PUM2: variants seen among roughly 807,000 people sequenced by gnomAD.
PUM2 encodes pumilio RNA binding family member 2, also known as pumilio homolog 2.
PUM2 carries 57 observed loss-of-function variants against 124.5 expected under a neutral mutation model. The ratio of observed to expected loss-of-function variants is 0.46; its 90% CI spans 0.37 to 0.57. The LOEUF is 0.57. Ranked by LOEUF, PUM2 falls within the 20% of genes least tolerant of loss-of-function variation. PUM2 has a pLI of 0.00. For missense variants in PUM2, 1,065 were observed against 1,290.6 expected, an observed-to-expected ratio of 0.83 and a Z score of 2.68; for synonymous variants, 460 against 446.1, an observed-to-expected ratio of 1.03 and a Z score of -0.39.
At chr2:20,332,087 T>TAG (rs1685037396) in intron 1 of PUM2, 1 of 152,196 alleles carries the variant, frequency 6.6e-6, no homozygotes. Context: ...GCCATTCCCA[T>TAG]AGAGCAGGCC....
At chr2:20,271,032 G>A (rs935658748) in intron 13 of PUM2, among the ~76,000 whole-genome samples, 1 of 152,038 alleles carries the variant, frequency 6.6e-6, no homozygotes, top group Non-Finnish European at 1.5e-5. Flanking sequence ...TCATTATATT[G>A]TAACTGCTGT....
Position 20,283,558 on chromosome 2 carries a change from T to C in PUM2, c.1292-72A>G, listed in dbSNP as rs889754009. ...ATGCATATTTGTTTTTCCCTGCATT[T>C]GTATTTTTTCAACTAGACAACACAG... On this transcript the variant is annotated intron_variant, in intron 10 of 20. Transcript: ENST00000361078. 7 of 1,470,350 alleles carry C rather than the reference T, an allele frequency of 4.8e-6. No individual in the cohort carries two copies. The African/African-American group carries it at 9.9e-5, about 21-fold the overall frequency. The allele number at this position is 1,470,350 out of a possible 1,614,324, so 91.1% of individuals were successfully genotyped here.
At chr2:20,294,894 G>C (rs566424286) in intron 8 of PUM2, among the ~76,000 whole-genome samples, 2 of 152,142 alleles carry the variant, frequency 1.3e-5, no homozygotes, top group Admixed American at 1.3e-4. Context: ...TTTGACTACT[G>C]AGATGGATTA....
intron 1 of PUM2, among the ~76,000 whole-genome samples, chr2:20,336,822 A>G (rs772087367): frequency 1.9e-4 from 27 of 145,442 alleles, no homozygotes; most frequent in Non-Finnish European, 3.1e-4. Flanking sequence ...GGGTCTCACC[A>G]TGTTGCCCAG....
At chr2:20,268,706 A>C (rs956578773) in intron 13 of PUM2, among the ~76,000 whole-genome samples, 10 of 152,202 alleles carry the variant, frequency 6.6e-5, no homozygotes, top group Non-Finnish European at 2.9e-5. Flanking sequence ...GTGAATGCTG[A>C]AATAAAAATA....
chr2:20,281,342 T>G (rs1321886712), intron 12 of PUM2, among the ~76,000 whole-genome samples: 1 of 152,044 alleles, frequency 6.6e-6, no homozygotes, highest in Non-Finnish European at 1.5e-5. Flanking sequence ...AATCAATTCC[T>G]GAAAGGGGGA....
chr2:20,261,360 C>T (rs1425758363), intron 14 of PUM2, among the ~76,000 whole-genome samples: 1 of 131,462 alleles, frequency 7.6e-6, no homozygotes, highest in Non-Finnish European at 1.6e-5. Flanking sequence ...TGCCATTGCA[C>T]TCCAGCCTAA....
intron 3 of PUM2, 151 bp from the exon 4 acceptor site, chr2:20,312,574 C>A: frequency 2.8e-6 from 2 of 726,162 alleles, no homozygotes; most frequent in Non-Finnish European, 4.4e-6. Flanking sequence ...TCATAGGACA[C>A]AAACAAATGG....
At chr2:20,266,484 C>A (rs1167415603) in intron 13 of PUM2, among the ~76,000 whole-genome samples, 2 of 150,310 alleles carry the variant, frequency 1.3e-5, no homozygotes. Flanking sequence ...CAACAACCCC[C>A]CCACCAAAAA....
At chr2:20,330,800 G>C (rs1684746324) in intron 1 of PUM2, among the ~76,000 whole-genome samples, 1 of 152,218 alleles carries the variant, frequency 6.6e-6, no homozygotes, top group Non-Finnish European at 1.5e-5. Flanking sequence ...CCTACGACTT[G>C]CAACTGGCAT....
chr2:20,260,291 T>C, intron 15 of PUM2, 46 bp downstream of exon 15: 1 of 1,546,888 alleles, frequency 6.5e-7, no homozygotes, highest in Non-Finnish European at 8.8e-7. Flanking sequence ...GCATCAAGTA[T>C]ACAACAGCTG....
At chr2:20,323,031 T>C (rs1443150532) in intron 2 of PUM2, among the ~76,000 whole-genome samples, 1 of 152,156 alleles carries the variant, frequency 6.6e-6, no homozygotes, top group Non-Finnish European at 1.5e-5. Context: ...TGTACAGAAG[T>C]AGTACTGTAA....
At chr2:20,274,431 A>G (rs1316619820) in intron 13 of PUM2, among the ~76,000 whole-genome samples, 3 of 152,190 alleles carry the variant, frequency 2.0e-5, no homozygotes, top group Non-Finnish European at 4.4e-5. Context: ...CACAAGACTA[A>G]GTCTGCCAAA....
In PUM2 at chr2:20,278,793, T is replaced by C; in HGVS notation, c.1747A>G (p.Thr583Ala). 6.2e-7 allele frequency: 1 copy of C among 1,613,284 alleles called. No individual in the cohort carries two copies. The highest frequency in any genetic ancestry group is 1.3e-5 in the African/African-American group (1 of 74,956). ...SVGSSASSSA[T>A]RRESLSTSSD... The stretch of plus-strand genomic sequence containing the variant: ...CTAGTAGATAGAGACTCTCTCCTTG[T>C]GGCACTACTACTTGCAGAACTGCCA... The change falls in exon 13 of 21, where the codon ACA becomes GCA. Residue 583 changes from threonine (T) to alanine (A), a missense_variant. Physicochemically the swap from Thr to Ala is moderately conservative, Grantham distance 58. This residue lies in a region of PUM2 where 968 missense variants were observed against 1,159.8 expected (regional missense o/e 0.83). Coordinates refer to ENST00000361078, the MANE Select transcript of PUM2 (RefSeq NM_015317.5).
chr2:20,322,178 G>C (rs1157322729), intron 2 of PUM2, among the ~76,000 whole-genome samples: 1 of 152,060 alleles, frequency 6.6e-6, no homozygotes, highest in East Asian at 1.9e-4. Flanking sequence ...AGTGAAAAAA[G>C]ATGCTATTAA....
chr2:20,253,376 T>A (rs1431898640), intron 20 of PUM2, among the ~76,000 whole-genome samples: 3 of 152,150 alleles, frequency 2.0e-5, no homozygotes, highest in Admixed American at 2.0e-4. Flanking sequence ...CAGCTAATTT[T>A]TAAATTTTTT....
intron 1 of PUM2, among the ~76,000 whole-genome samples, chr2:20,336,898 A>C (rs1686241817): frequency 6.6e-6 from 1 of 152,050 alleles, no homozygotes; most frequent in African/African-American, 2.4e-5. Context: ...CTGGGATTAC[A>C]GGCATAAGTC....
At chr2:20,294,603 A>G (rs1013614482) in intron 8 of PUM2, 85 bp from the exon 9 acceptor site, 18 of 1,400,572 alleles carry the variant, frequency 1.3e-5, no homozygotes, top group Non-Finnish European at 1.5e-5. Context: ...AGATTATAAA[A>G]GGGGGCAGGA....
chr2:20,283,092 T>G lies in PUM2; in HGVS notation c.1575A>C (p.Gly525=). ...GGGAGCTATTAGTCAAAGAACTGCT[T>G]CCATAAAATGAATTAGATTGCAGAT... ...STNLQSNSFY[G]SSSLTNSSQS... is the part of the protein sequence containing the mutation. Residue 525 remains glycine, a synonymous_variant, in exon 12 of 21, where the codon GGA becomes GGC. Coordinates refer to ENST00000361078, the MANE Select transcript of PUM2 (RefSeq NM_015317.5). 1 of 1,614,110 alleles carries G rather than the reference T, an allele frequency of 6.2e-7. No individual in the cohort carries two copies. The highest frequency in any genetic ancestry group is 1.1e-5 in the South Asian group (1 of 91,088).
Sources: allele counts gnomAD v4.1 joint callset (sites outside exome capture counted in the v4.1 genomes callset), GRCh38; gene constraint gnomAD v4.1.1; regional missense constraint gnomAD v4.1.1; transcripts MANE v1.5; gene names NCBI Gene and HGNC (gene_info 2026-07-23, HGNC 2026-07-21).